The following SNX4 variants were observed in gnomAD, a reference collection of about 807,000 sequenced individuals.
SNX4 encodes sorting nexin-4.
SNX4 carries 49 observed loss-of-function variants against 70.8 expected under a neutral mutation model. That is an observed-to-expected ratio of 0.69 (90% CI 0.55 to 0.88). SNX4 has a LOEUF of 0.88. Among genes scored for constraint, SNX4 ranks in the 40% least tolerant of loss-of-function variants. The probability of loss-of-function intolerance (pLI) is 0.00; values close to 1 mark genes in which losing one functional copy is unlikely to be tolerated. For synonymous variants in SNX4, 206 were observed against 183.8 expected (o/e 1.12, Z -0.98); for missense variants, 528 against 544.8 (o/e 0.97, Z 0.31).
chr3:125,488,786 A>G (rs867036569), intron 6 of SNX4, among the ~76,000 whole-genome samples: 2 of 152,222 alleles, frequency 1.3e-5, no homozygotes, highest in South Asian at 2.1e-4. Flanking sequence ...CACATATCCA[A>G]TTAAAAAACT....
intron 6 of SNX4, among the ~76,000 whole-genome samples, chr3:125,486,345 C>T (rs992969007): frequency 6.6e-6 from 1 of 151,876 alleles, no homozygotes; most frequent in Non-Finnish European, 1.5e-5. Context: ...TATCACTTTA[C>T]GTATAAGTTA....
intron 5 of SNX4, among the ~76,000 whole-genome samples, chr3:125,494,329 G>C (rs1280966675): frequency 6.6e-6 from 1 of 152,114 alleles, no homozygotes; most frequent in African/African-American, 2.4e-5. Flanking sequence ...CTTTCAGTTA[G>C]TCTAGACTTG....
chr3:125,491,943 CTAAAAATATAAAAAAT>C (rs1490953697), intron 5 of SNX4, among the ~76,000 whole-genome samples: 1 of 151,622 alleles, frequency 6.6e-6, no homozygotes, highest in Admixed American at 6.6e-5. Flanking sequence ...CCTGTCTCTA[CTAAAAATATAAAAAAT>C]TAGCCAGGTG....
chr3:125,457,544 G>T (rs1579974091), intron 10 of SNX4, among the ~76,000 whole-genome samples, 179 bp from the exon 11 acceptor site: 1 of 147,074 alleles, frequency 6.8e-6, no homozygotes, highest in African/African-American at 2.5e-5. Flanking sequence ...GAATCTAGCA[G>T]AACCTAACCA....
At chr3:125,505,979 A>G (rs1559824762) in intron 1 of SNX4, among the ~76,000 whole-genome samples, 2 of 152,200 alleles carry the variant, frequency 1.3e-5, no homozygotes, top group Non-Finnish European at 2.9e-5. Context: ...TGTGAGGACA[A>G]TTAGAAAATA....
At chr3:125,470,142 T>G (rs970591890) in intron 8 of SNX4, among the ~76,000 whole-genome samples, 3 of 152,162 alleles carry the variant, frequency 2.0e-5, no homozygotes, top group Non-Finnish European at 4.4e-5. Flanking sequence ...ACTGGGAAAA[T>G]AAATCTATAA....
intron 8 of SNX4, among the ~76,000 whole-genome samples, chr3:125,473,461 G>C (rs528457254): frequency 1.3e-4 from 20 of 151,800 alleles, no homozygotes; most frequent in African/African-American, 4.6e-4. Context: ...TGTCACCCAG[G>C]CTGGAGTGCA....
intron 6 of SNX4, among the ~76,000 whole-genome samples, chr3:125,488,459 A>G (rs965446048): frequency 1.1e-4 from 16 of 152,164 alleles, no homozygotes; most frequent in African/African-American, 3.6e-4. Context: ...TGGGCGACAG[A>G]GCAAGTCTCT....
chr3:125,508,221 C>T (rs974235632), intron 1 of SNX4, among the ~76,000 whole-genome samples: 1 of 152,100 alleles, frequency 6.6e-6, no homozygotes, highest in Non-Finnish European at 1.5e-5. Flanking sequence ...AAAACTCATC[C>T]TAAGAGTCAT....
intron 6 of SNX4, among the ~76,000 whole-genome samples, chr3:125,485,141 G>A (rs913714219): frequency 1.3e-5 from 2 of 152,064 alleles, no homozygotes; most frequent in Admixed American, 6.5e-5. Context: ...AGTTACATGG[G>A]AGGCTGAGAT....
Position 125,476,546 on chromosome 3 carries a change from G to GT in SNX4, c.788+148dup. 9.8e-6 allele frequency: 6 copies of GT among 609,928 alleles called. No homozygotes were observed. The South Asian group carries it at 1.1e-4, about 11-fold the overall frequency. 37.8% of individuals were successfully genotyped at this position (609,928 alleles called of 1,614,324 possible). On this transcript the variant is annotated intron_variant, in intron 8 of 13. Transcript: ENST00000251775. ...AGATCACATCATTGCATCAGCCTGG[G>GT]TGACAAGAAAGAAACTCCATCTCAA...
intron 3 of SNX4, 37 bp downstream of exon 3, chr3:125,498,022 C>A (rs767337450): frequency 6.2e-7 from 1 of 1,613,832 alleles, no homozygotes; most frequent in African/African-American, 1.3e-5. Flanking sequence ...AGTCTCAATG[C>A]TGAATACTTC....
rs536506178 is a variant in SNX4, at chr3:125,481,410, A to G, written c.654-1091T>C. The stretch of plus-strand genomic sequence containing the variant: ...TACTCACTTCCTTCACCCATCTCTT[A>G]TATCTCCAACTGTAGTCTGCAAAAA... On this transcript the variant is annotated intron_variant, in intron 6 of 13. Transcript: ENST00000251775. Among the ~76,000 whole-genome samples the G allele has an allele frequency of 5.4e-5, 8 of 147,294 alleles. No individual in the cohort carries two copies. The East Asian group carries it at 1.6e-3, about 29-fold the overall frequency.
intron 7 of SNX4, among the ~76,000 whole-genome samples, chr3:125,480,000 C>A (rs1314513312): frequency 6.6e-6 from 1 of 151,970 alleles, no homozygotes; most frequent in African/African-American, 2.4e-5. Flanking sequence ...AATGGCAGGC[C>A]TTTTGATAAC....
chr3:125,501,118 G>A (rs1165208307), intron 2 of SNX4, among the ~76,000 whole-genome samples: 2 of 152,200 alleles, frequency 1.3e-5, no homozygotes, highest in East Asian at 3.9e-4. Flanking sequence ...TAAGAAATTT[G>A]ATGATTGCGG....
At chr3:125,469,130 G>C (rs1431277003) in intron 9 of SNX4, among the ~76,000 whole-genome samples, 1 of 152,130 alleles carries the variant, frequency 6.6e-6, no homozygotes, top group African/African-American at 2.4e-5. Context: ...ATAAATTTTA[G>C]ACTGAGAAAA....
chr3:125,457,022 G>C (rs1048879115), intron 11 of SNX4, among the ~76,000 whole-genome samples: 1 of 151,698 alleles, frequency 6.6e-6, no homozygotes. Flanking sequence ...GAGAAATGTT[G>C]GCAAAATTTC....
intron 5 of SNX4, among the ~76,000 whole-genome samples, chr3:125,490,256 C>T (rs116513045): frequency 0.018 from 2,810 of 151,986 alleles, 107 homozygotes; most frequent in African/African-American, 0.064. Context: ...TGTACTAGGC[C>T]GGGCGCGGTG....
intron 5 of SNX4, among the ~76,000 whole-genome samples, chr3:125,489,910 G>C (rs1400685310): frequency 6.6e-6 from 1 of 152,086 alleles, no homozygotes; most frequent in Non-Finnish European, 1.5e-5. Context: ...AGGATCACTT[G>C]AGGTCAGGAG....
Sources: gnomAD v4.1 joint callset for allele counts (sites outside exome capture counted in the v4.1 genomes callset) on GRCh38, gnomAD v4.1.1 for gene constraint, MANE v1.5 for transcripts, NCBI Gene and HGNC (gene_info 2026-07-23, HGNC 2026-07-21) for gene names.